Variants in TSPAN11 observed in about 807,000 individuals in gnomAD.
The protein encoded by TSPAN11 is tetraspanin 11.
A neutral mutation model predicts 32.9 loss-of-function variants in TSPAN11; 29 were observed. The observed-to-expected ratio is 0.88, with a 90% CI of 0.66 to 1.20. TSPAN11 has a LOEUF of 1.20. Ranked by LOEUF, TSPAN11 falls within the 50% of genes most tolerant of loss-of-function variation. The pLI is 0.00. For missense variants in TSPAN11, 283 were observed against 329.1 expected (o/e 0.86, Z 1.08); for synonymous variants, 140 against 141.3 (o/e 0.99, Z 0.07).
intron 1 of TSPAN11, among the ~76,000 whole-genome samples, chr12:30,951,975 T>A (rs1435669017): frequency 6.6e-6 from 1 of 152,252 alleles, no homozygotes; most frequent in African/African-American, 2.4e-5. Flanking sequence ...AGGTTTCCCC[T>A]GACCCTGACA....
chr12:30,954,089 G>T lies in TSPAN11; in HGVS notation c.84+14G>T. 6.3e-7 allele frequency: 1 copy of T among 1,581,576 alleles called. No homozygotes were observed. The highest frequency in any genetic ancestry group is 8.7e-7 in the Non-Finnish European group (1 of 1,151,154). On this transcript the variant is annotated intron_variant, in intron 2 of 7. Transcript: ENST00000546076. ...TTCTTCTTCTGGGTGAGTGAATTCT[G>T]CACACACATCCTCTTCCCCGAGCAC...
Position 30,976,378 on chromosome 12 carries a change from C to T in TSPAN11, c.277-2183C>T, listed in dbSNP as rs1013892034. ...TGCTGAGCCACGTTTTTCTAATTTG[C>T]ACCTAAGCACTAGCAGCCATCCAGC... On this transcript the variant is annotated intron_variant, in intron 3 of 7. Transcript: ENST00000546076. Among the ~76,000 whole-genome samples, 4 of 152,302 alleles carry T rather than the reference C, an allele frequency of 2.6e-5. No individual in the cohort carries two copies. In the East Asian group the frequency reaches 7.7e-4, roughly 29 times the overall value.
rs151208387 is a variant in TSPAN11 at position 30,976,317 on chromosome 12, G to T, written c.277-2244G>T. On this transcript the variant is annotated intron_variant, in intron 3 of 7. Coordinates refer to ENST00000546076, the MANE Select transcript of TSPAN11 (RefSeq NM_001370302.1). ...CTAAACTTTGCGTCCTACACGAGGG[G>T]ACCAAAGAAGGCTGAAATCCAGCCC... Among the ~76,000 whole-genome samples, 19 of 152,244 alleles carry T rather than the reference G, an allele frequency of 1.2e-4. No individual in the cohort carries two copies. In the South Asian group the frequency reaches 3.7e-3, roughly 30 times the overall value.
the TSPAN11 span, among the ~76,000 whole-genome samples, chr12:31,010,878 C>A: frequency 6.6e-6 from 1 of 152,100 alleles, no homozygotes; most frequent in Non-Finnish European, 1.5e-5. Context: ...TAAGCACTCC[C>A]ACCACCAAGA....
chr12:30,993,599 G>A lies in TSPAN11; in HGVS notation c.*1684G>A, dbSNP rs12303876. The stretch of plus-strand genomic sequence containing the variant: ...GTTGCCAATGCAAATTCATTAAAAC[G>A]AAGACCAGATATCCCAGACTGCACA... On this transcript the variant is annotated 3_prime_UTR_variant, in exon 8 of 8. Coordinates refer to ENST00000546076, the MANE Select transcript of TSPAN11 (RefSeq NM_001370302.1). The A allele has an allele frequency of 0.13, 19,291 of 152,246 alleles. 1,360 individuals carry two copies. Among genetic ancestry groups the A allele is most frequent in the Middle Eastern group, 0.15 (44 of 294 alleles). The allele number at this position is 152,246 out of a possible 1,614,324, so 9.4% of individuals were successfully genotyped here. A position where few individuals can be genotyped will look rare whatever the true frequency, so the allele number is the denominator to read the frequency against.
chr12:30,956,474 C>T (rs1452594646), intron 2 of TSPAN11, among the ~76,000 whole-genome samples: 2 of 152,176 alleles, frequency 1.3e-5, no homozygotes, highest in Non-Finnish European at 2.9e-5. Context: ...GAGCCATCTT[C>T]ACCTCCACCT....
intron 1 of TSPAN11, among the ~76,000 whole-genome samples, chr12:30,935,059 C>T (rs1029243771): frequency 1.3e-5 from 2 of 152,102 alleles, no homozygotes; most frequent in Non-Finnish European, 2.9e-5. Context: ...CTTCCTCAGC[C>T]CCTGCCCCTC....
In TSPAN11 at chr12:30,982,538, T is replaced by C; in HGVS notation, c.463T>C (p.Cys155Arg). ...SVDRLQQDFK[C>R]CGSNSSADWQ... Reference sequence around the variant, plus strand: ...CCTCTGCCTCTGCCTCCAGTTCAAGTGCTGTGGAAGCAACAGCTCAGCCGA... The same window carrying C: ...CCTCTGCCTCTGCCTCCAGTTCAAGCGCTGTGGAAGCAACAGCTCAGCCGA... The change falls in exon 6 of 8, where the codon TGC becomes CGC. Residue 155 changes from cysteine to arginine, a missense_variant. By Grantham distance (180) the Cys-to-Arg change is radical (BLOSUM62 -3). Coordinates refer to ENST00000546076, the MANE Select transcript of TSPAN11 (RefSeq NM_001370302.1). The C allele has an allele frequency of 1.2e-6, 2 of 1,606,316 alleles. No individual in the cohort carries two copies. Among genetic ancestry groups the C allele is most frequent in the Non-Finnish European group, 1.7e-6 (2 of 1,174,148 alleles).
chr12:30,961,178 C>T (rs1938606205), intron 2 of TSPAN11, among the ~76,000 whole-genome samples: 1 of 151,946 alleles, frequency 6.6e-6, no homozygotes, highest in Admixed American at 6.5e-5. Flanking sequence ...CATCAAGTCC[C>T]TCTTCCTGCC....
chr12:31,014,032 C>T, the TSPAN11 span, among the ~76,000 whole-genome samples: 7,401 of 152,304 alleles, frequency 0.049, 226 homozygotes, highest in Middle Eastern at 0.16. Flanking sequence ...AAATATATCA[C>T]TAATTTCTTC....
At chr12:30,944,009 C>T (rs1222397677) in intron 1 of TSPAN11, among the ~76,000 whole-genome samples, 1 of 152,166 alleles carries the variant, frequency 6.6e-6, no homozygotes, top group Non-Finnish European at 1.5e-5. Flanking sequence ...TGGCCAAGAA[C>T]TCAGAGGTAG....
intron 3 of TSPAN11, among the ~76,000 whole-genome samples, chr12:30,976,965 C>G (rs1434408536): frequency 2.0e-5 from 3 of 152,206 alleles, no homozygotes; most frequent in Non-Finnish European, 4.4e-5. Flanking sequence ...CATTTGTGCT[C>G]TTGGCCTCAG....
At chr12:30,978,761 C>A in intron 4 of TSPAN11, 126 bp downstream of exon 4, 1 of 874,532 alleles carries the variant, frequency 1.1e-6, no homozygotes, top group South Asian at 1.5e-5. Context: ...TCCCAGGCCC[C>A]GGCAATCCCC....
At position 30,978,542 on chromosome 12, in the gene TSPAN11, CCT is replaced by C. The variant is rs750842465; in HGVS notation, c.277-12_277-11del. The C allele has an allele frequency of 1.4e-5, 22 of 1,613,620 alleles. No individual in the cohort carries two copies. Among genetic ancestry groups the C allele is most frequent in the Admixed American group, 3.3e-5 (2 of 60,006 alleles). Reference sequence around the variant, plus strand: ...GCAACCCGATCCCAGTGGTGACCGTCCTCTCTCTTTGCTGCTAGTATTTCTGC... The same window carrying C: ...GCAACCCGATCCCAGTGGTGACCGTCCTCTCTTTGCTGCTAGTATTTCTGC... On this transcript the variant is annotated splice_polypyrimidine_tract_variant and intron_variant, in intron 3 of 7. Coordinates refer to ENST00000546076, the MANE Select transcript of TSPAN11 (RefSeq NM_001370302.1).
At chr12:30,930,711 G>A (rs35399826) in intron 1 of TSPAN11, among the ~76,000 whole-genome samples, 5,802 of 152,296 alleles carry the variant, frequency 0.038, 449 homozygotes, top group East Asian at 0.36. Context: ...TGGCAAGGAG[G>A]GGGCTTGAAG....
chr12:30,932,802 C>T (rs748413671), intron 1 of TSPAN11, among the ~76,000 whole-genome samples: 2 of 152,140 alleles, frequency 1.3e-5, no homozygotes, highest in African/African-American at 4.8e-5. Context: ...TATCCTGTTT[C>T]GGAGACAAGA....
chr12:31,005,569 G>T, the TSPAN11 span, among the ~76,000 whole-genome samples: 1 of 152,172 alleles, frequency 6.6e-6, no homozygotes, highest in African/African-American at 2.4e-5. Context: ...CAGGTGCCCC[G>T]TGCCCCAGGT....
chr12:30,979,625 C>G lies in TSPAN11; in HGVS notation c.411C>G (p.Pro137=). Residue 137 remains proline (P), a synonymous_variant, in exon 5 of 8, where the codon CCC becomes CCG. Coordinates refer to ENST00000546076, the MANE Select transcript of TSPAN11 (RefSeq NM_001370302.1). ...NRTLAENYGQ[P]GATQITASVD... ...CTCTGGCTGAGAACTACGGGCAGCC[C>G]GGAGCCACGCAGATCACCGCCTCAG... 1.2e-6 allele frequency: 2 copies of G among 1,614,148 alleles called. No individual in the cohort carries two copies. Among genetic ancestry groups the G allele is most frequent in the Non-Finnish European group, 1.7e-6 (2 of 1,180,034 alleles).
the TSPAN11 span, among the ~76,000 whole-genome samples, chr12:31,011,481 C>T: frequency 6.6e-6 from 1 of 152,188 alleles, no homozygotes; most frequent in Non-Finnish European, 1.5e-5. Flanking sequence ...TCCCTCCCAG[C>T]CCCAGCCAAG....
Sources: allele counts gnomAD v4.1 joint callset (sites outside exome capture counted in the v4.1 genomes callset), GRCh38; gene constraint gnomAD v4.1.1; transcripts MANE v1.5; gene names NCBI Gene and HGNC (gene_info 2026-07-23, HGNC 2026-07-21).